USP37: variants seen among roughly 807,000 people sequenced by gnomAD.
The protein encoded by USP37 is ubiquitin specific peptidase 37.
A neutral mutation model predicts 124.0 loss-of-function variants in USP37; 27 were observed. The observed-to-expected ratio is 0.22, with a 90% CI of 0.16 to 0.30. The LOEUF (loss-of-function observed/expected upper bound fraction) is 0.30. Ranked by LOEUF, USP37 falls within the 10% of genes least tolerant of loss-of-function variation. The pLI is 1.00. For synonymous variants in USP37, 365 were observed against 388.0 expected, an observed-to-expected ratio of 0.94 and a Z score of 0.70; for missense variants, 889 against 1,140.4, an observed-to-expected ratio of 0.78 and a Z score of 3.17.
intron 14 of USP37, among the ~76,000 whole-genome samples, chr2:218,491,324 T>G (rs1443482427): frequency 6.6e-6 from 1 of 152,178 alleles, no homozygotes; most frequent in Non-Finnish European, 1.5e-5. Flanking sequence ...ATAGGCAGCC[T>G]TTAGGAAATG....
chr2:218,538,681 G>A (rs1056658773), intron 8 of USP37, among the ~76,000 whole-genome samples: 4 of 152,190 alleles, frequency 2.6e-5, no homozygotes, highest in African/African-American at 9.6e-5. Flanking sequence ...AGCAAAGACT[G>A]AGACCCTGAT....
In USP37 at chr2:218,530,709, GCAC is replaced by G. The variant is rs1484552515; in HGVS notation, c.779-672_779-670del. Among the ~76,000 whole-genome samples the G allele has an allele frequency of 2.6e-5, 4 of 152,194 alleles. No homozygotes were observed. The East Asian group carries it at 7.7e-4, about 29-fold the overall frequency. On this transcript the variant is annotated intron_variant, in intron 9 of 25. Transcript: ENST00000258399. ...AGACAGGATGAAAGCTAGGCCTTTT[GCAC>G]CAAACAGCCAATGCAAAGGAAAAGC... is the stretch of plus-strand genomic sequence containing the variant.
chr2:218,489,801 C>T (rs1691820730), intron 14 of USP37, among the ~76,000 whole-genome samples: 1 of 152,112 alleles, frequency 6.6e-6, no homozygotes, highest in Non-Finnish European at 1.5e-5. Context: ...ATTATTCTGA[C>T]TTCCAACACT....
At chr2:218,510,210 TAA>T in intron 10 of USP37, 70 bp from the exon 11 acceptor site, 4 of 1,492,722 alleles carry the variant, frequency 2.7e-6, no homozygotes, top group South Asian at 1.3e-5. Flanking sequence ...TTGAATAGAT[TAA>T]GAGAAGTCAA....
chr2:218,460,758 T>C (rs1363714003), intron 22 of USP37, among the ~76,000 whole-genome samples: 1 of 151,960 alleles, frequency 6.6e-6, no homozygotes, highest in African/African-American at 2.4e-5. Context: ...CTAGCCAACA[T>C]GGTAAAACTC....
chr2:218,513,698 T>C (rs1690122664), intron 10 of USP37, among the ~76,000 whole-genome samples: 2 of 152,238 alleles, frequency 1.3e-5, no homozygotes, highest in African/African-American at 4.8e-5. Context: ...CCTAATTATT[T>C]TGAGATTCAT....
chr2:218,496,068 C>A (rs545533839), intron 13 of USP37, 118 bp from the exon 14 acceptor site: 74 of 984,952 alleles, frequency 7.5e-5, no homozygotes, highest in Non-Finnish European at 2.9e-6. Flanking sequence ...CTGAGGCAGG[C>A]GGATCACTTG....
At chr2:218,529,870 G>A in intron 10 of USP37, 86 bp downstream of exon 10, 2 of 1,004,692 alleles carry the variant, frequency 2.0e-6, no homozygotes, top group Non-Finnish European at 3.0e-6. Flanking sequence ...CACTTAAGAG[G>A]ATAATACATA....
chr2:218,469,597 G>T (rs1465260097), intron 20 of USP37, among the ~76,000 whole-genome samples: 2 of 152,062 alleles, frequency 1.3e-5, no homozygotes, highest in East Asian at 1.9e-4. Flanking sequence ...GACAATCCTG[G>T]ATTATACTAG....
intron 10 of USP37, among the ~76,000 whole-genome samples, chr2:218,513,618 T>C (rs1166456958): frequency 6.6e-6 from 1 of 152,220 alleles, no homozygotes; most frequent in Non-Finnish European, 1.5e-5. Flanking sequence ...TCACTATAGA[T>C]TACATTTTCT....
In USP37 at chr2:218,495,859, C is replaced by T. The variant is rs1462413342; in HGVS notation, c.1373G>A (p.Gly458Glu). The change falls in exon 14 of 26, where the codon GGA becomes GAA. Residue 458 changes from glycine (G) to glutamate (E), a missense_variant. Coordinates refer to ENST00000258399, the MANE Select transcript of USP37 (RefSeq NM_020935.3). Reference sequence around the variant, plus strand: ...TGAAATATCTGGTGAATTTTCTTCTCCAGAAACAGGTTCAGTCTTCCAAGT... The same window carrying T: ...TGAAATATCTGGTGAATTTTCTTCTTCAGAAACAGGTTCAGTCTTCCAAGT... ...NKTWKTEPVSGEENSPDISAT... is the reference protein window; with the variant it reads ...NKTWKTEPVSEEENSPDISAT... 3 of 1,613,954 alleles carry T rather than the reference C, an allele frequency of 1.9e-6. No individual in the cohort carries two copies. Among genetic ancestry groups the T allele is most frequent in the Non-Finnish European group, 2.5e-6 (3 of 1,179,996 alleles).
At chr2:218,522,529 C>A (rs1450286156) in intron 10 of USP37, among the ~76,000 whole-genome samples, 5 of 141,900 alleles carry the variant, frequency 3.5e-5, no homozygotes, top group Non-Finnish European at 6.0e-5. Flanking sequence ...TGCCACCGTA[C>A]TCCAGCCTAG....
chr2:218,489,707 T>C (rs1209624478), intron 14 of USP37, among the ~76,000 whole-genome samples: 1 of 152,018 alleles, frequency 6.6e-6, no homozygotes, highest in Non-Finnish European at 1.5e-5. Flanking sequence ...CTGGAACTCC[T>C]GACCTCGTGA....
intron 8 of USP37, among the ~76,000 whole-genome samples, chr2:218,539,742 T>A (rs1403407335): frequency 6.6e-6 from 1 of 152,050 alleles, no homozygotes; most frequent in East Asian, 1.9e-4. Context: ...CCGGGCGCAG[T>A]GGCTCATGGC....
intron 8 of USP37, among the ~76,000 whole-genome samples, chr2:218,541,876 T>C (rs1037639619): frequency 6.6e-6 from 1 of 152,180 alleles, no homozygotes; most frequent in Non-Finnish European, 1.5e-5. Context: ...ATCCTTTTTA[T>C]CCTTTACACA....
intron 11 of USP37, among the ~76,000 whole-genome samples, chr2:218,502,329 G>GA (rs1689434757): frequency 6.6e-6 from 1 of 152,050 alleles, no homozygotes; most frequent in South Asian, 2.1e-4. Flanking sequence ...TATTTAAAAT[G>GA]AAAATTTCAC....
At chr2:218,542,121 T>C (rs535974539) in intron 8 of USP37, among the ~76,000 whole-genome samples, 1 of 152,328 alleles carries the variant, frequency 6.6e-6, no homozygotes, top group African/African-American at 2.4e-5. Flanking sequence ...TACTTTTACC[T>C]GAGATCACAC....
intron 11 of USP37, among the ~76,000 whole-genome samples, chr2:218,498,773 T>C (rs576843473): frequency 1.3e-5 from 2 of 152,204 alleles, no homozygotes; most frequent in East Asian, 3.9e-4. Context: ...TTTGATCTAA[T>C]GGAAAAGTAT....
intron 5 of USP37, among the ~76,000 whole-genome samples, chr2:218,551,371 C>T (rs886293131): frequency 2.0e-5 from 3 of 152,190 alleles, no homozygotes; most frequent in East Asian, 1.9e-4. Context: ...ATTCTAATAA[C>T]GCCAATGACT....
Sources: gnomAD v4.1 joint callset for allele counts (sites outside exome capture counted in the v4.1 genomes callset) on GRCh38, gnomAD v4.1.1 for gene constraint, MANE v1.5 for transcripts, NCBI Gene and HGNC (gene_info 2026-07-23, HGNC 2026-07-21) for gene names.